Variants in DNAH9 observed in about 807,000 individuals in gnomAD.
The protein encoded by DNAH9 is DNAH9 variant protein.
A neutral mutation model predicts 471.6 loss-of-function variants in DNAH9; 345 were observed. The observed-to-expected ratio is 0.73, with a 90% CI of 0.67 to 0.80. The LOEUF (loss-of-function observed/expected upper bound fraction) is 0.80, where lower values mean the gene tolerates loss of function less well. Ranked by LOEUF, DNAH9 falls within the 30% of genes least tolerant of loss-of-function variation. DNAH9 has a pLI of 0.00. For missense variants in DNAH9, 5,407 were observed against 5,609.2 expected (o/e 0.96, Z 1.15); for synonymous variants, 2,093 against 2,123.6 (o/e 0.99, Z 0.40).
intron 4 of DNAH9, among the ~76,000 whole-genome samples, chr17:11,617,060 G>A (rs1002616149): frequency 3.3e-5 from 5 of 152,086 alleles, no homozygotes; most frequent in East Asian, 1.9e-4. Flanking sequence ...CAAGCGTCTC[G>A]GCCAGCATTT....
At chr17:11,730,264 G>A (rs1041744154) in intron 28 of DNAH9, among the ~76,000 whole-genome samples, 5 of 152,168 alleles carry the variant, frequency 3.3e-5, no homozygotes, top group African/African-American at 1.2e-4. Flanking sequence ...CATTGCATGA[G>A]TGTAGCTTGA....
At chr17:11,895,119 A>G (rs751641911) in intron 59 of DNAH9, among the ~76,000 whole-genome samples, 29 of 152,224 alleles carry the variant, frequency 1.9e-4, no homozygotes, top group Non-Finnish European at 3.5e-4. Flanking sequence ...GGCAGAGCCT[A>G]TTTTCATTCC....
chr17:11,948,430 G>A (rs1292998115), intron 67 of DNAH9, among the ~76,000 whole-genome samples: 8 of 151,078 alleles, frequency 5.3e-5, no homozygotes, highest in East Asian at 2.0e-4. Context: ...AGGTTTCACC[G>A]TGTTGGCCAG....
rs752886168 is a variant in DNAH9 at position 11,694,010 on chromosome 17, C to A, written c.4745+12C>A. 6.2e-7 allele frequency: 1 copy of A among 1,609,646 alleles called. No individual in the cohort carries two copies. Among genetic ancestry groups the A allele is most frequent in the South Asian group, 1.1e-5 (1 of 90,602 alleles). ...GATATTCAGGGCAGGTGAGGGTCCGCCCATTACCCCTTCTCTAATAAGAAG... is the reference window on the plus strand; with the variant it reads ...GATATTCAGGGCAGGTGAGGGTCCGACCATTACCCCTTCTCTAATAAGAAG... On this transcript the variant is annotated intron_variant, in intron 21 of 68. Coordinates refer to ENST00000262442, the MANE Select transcript of DNAH9 (RefSeq NM_001372.4).
chr17:11,961,644 G>A (rs1384110072), intron 67 of DNAH9, among the ~76,000 whole-genome samples: 1 of 152,162 alleles, frequency 6.6e-6, no homozygotes, highest in Non-Finnish European at 1.5e-5. Flanking sequence ...AGAGCAGGGA[G>A]GGTTTTCAAG....
intron 22 of DNAH9, 38 bp downstream of exon 22, chr17:11,694,485 GC>G: frequency 1.2e-6 from 2 of 1,611,316 alleles, no homozygotes; most frequent in Non-Finnish European, 1.7e-6. Context: ...GTCTAGGAGG[GC>G]TGAGGGGTGC....
chr17:11,921,620 C>T (rs1377716154), intron 61 of DNAH9, among the ~76,000 whole-genome samples: 1 of 152,164 alleles, frequency 6.6e-6, no homozygotes, highest in African/African-American at 2.4e-5. Context: ...ATCTGAGAGC[C>T]TCACAGTTGC....
rs566317607 is a variant in DNAH9, at chr17:11,942,494, G to A, written c.12843+9G>A. On this transcript the variant is annotated intron_variant, in intron 67 of 68. Transcript: ENST00000262442. ...TGGAGCTCGGCTTAAAGGTGAGCGC[G>A]GTCTTGTAAGGCATGGAGGGGACAT... 6.0e-5 allele frequency: 96 copies of A among 1,610,364 alleles called. No homozygotes were observed. The East Asian group carries it at 1.8e-3, about 30-fold the overall frequency.
intron 67 of DNAH9, among the ~76,000 whole-genome samples, chr17:11,945,537 C>CTAA (rs1975084281): frequency 9.8e-6 from 1 of 102,370 alleles, no homozygotes. Context: ...GATTCCATCT[C>CTAA]AAAAAAAAAA....
rs940620887 is a variant in DNAH9, at chr17:11,768,497, G to C, written c.7215G>C (p.Glu2405Asp). 6.2e-7 allele frequency: 1 copy of C among 1,614,026 alleles called. No homozygotes were observed. Among genetic ancestry groups the C allele is most frequent in the African/African-American group, 1.3e-5 (1 of 74,910 alleles). The change falls in exon 37 of 69, where the codon GAG becomes GAC. Residue 2405 changes from glutamate (E) to aspartate (D), a missense_variant. Transcript: ENST00000262442. ...AGTTCAGCAAATGGTGGCTGACTGA[G>C]TTCAAAACAGTCAAGTTTCCTTCCC... ...RAEFSKWWLT[E>D]FKTVKFPSQG...
rs377415601 is a variant in DNAH9 at position 11,617,563 on chromosome 17, C to G, written c.1057C>G (p.Arg353Gly). Residue 353 changes from arginine to glycine, a missense_variant, in exon 5 of 69, where the codon CGC becomes GGC. Transcript: ENST00000262442. ...CLIWATCKSY[R>G]SPGRLTVLLQ... Reference sequence around the variant, plus strand: ...GATTTGGGCCACATGCAAGTCCTACCGCTCCCCGGGAAGGCTGACTGTGCT... The same window carrying G: ...GATTTGGGCCACATGCAAGTCCTACGGCTCCCCGGGAAGGCTGACTGTGCT... 1.2e-6 allele frequency: 2 copies of G among 1,614,132 alleles called. No homozygotes were observed. The highest frequency in any genetic ancestry group is 2.2e-5 in the South Asian group (2 of 91,086).
intron 30 of DNAH9, among the ~76,000 whole-genome samples, chr17:11,743,363 C>A (rs906332928): frequency 2.6e-5 from 4 of 152,212 alleles, no homozygotes; most frequent in Non-Finnish European, 4.4e-5. Context: ...TTCCAAGCAC[C>A]CATATCTTTT....
intron 41 of DNAH9, among the ~76,000 whole-genome samples, chr17:11,786,362 C>T (rs1043693008): frequency 5.3e-4 from 81 of 151,990 alleles, no homozygotes; most frequent in African/African-American, 1.9e-3. Flanking sequence ...AAAAAATTCT[C>T]GTGGAATAGC....
At chr17:11,942,896 C>CA (rs71367357) in intron 67 of DNAH9, among the ~76,000 whole-genome samples, 1 of 127,914 alleles carries the variant, frequency 7.8e-6, no homozygotes, top group African/African-American at 3.0e-5. Context: ...CTTGTTTTTT[C>CA]TTTTTTTTTT....
intron 48 of DNAH9, among the ~76,000 whole-genome samples, chr17:11,832,363 C>T (rs894741701): frequency 1.3e-5 from 2 of 152,194 alleles, no homozygotes; most frequent in Admixed American, 6.5e-5. Context: ...CTTCAATTTT[C>T]TCAAATCTCC....
intron 41 of DNAH9, among the ~76,000 whole-genome samples, chr17:11,791,843 A>G (rs989214855): frequency 6.6e-6 from 1 of 152,222 alleles, no homozygotes; most frequent in Admixed American, 6.5e-5. Context: ...GACTTCAACA[A>G]GAGGTTTCAA....
intron 49 of DNAH9, among the ~76,000 whole-genome samples, chr17:11,845,398 T>C (rs1225853325): frequency 6.6e-6 from 1 of 150,566 alleles, no homozygotes; most frequent in Non-Finnish European, 1.5e-5. Flanking sequence ...CTTAATCCAG[T>C]CTATCATTTT....
chr17:11,682,293 C>T (rs1301373345), intron 19 of DNAH9, among the ~76,000 whole-genome samples: 1 of 151,238 alleles, frequency 6.6e-6, no homozygotes, highest in Non-Finnish European at 1.5e-5. Flanking sequence ...CTCTGTCACC[C>T]AGGCTGGAGT....
At chr17:11,704,104 C>A in intron 24 of DNAH9, 99 bp from the exon 25 acceptor site, 1 of 1,353,084 alleles carries the variant, frequency 7.4e-7, no homozygotes, top group Non-Finnish European at 1.0e-6. Flanking sequence ...GGGCTCATGT[C>A]ACCCACACAA....
Sources: gnomAD v4.1 joint callset for allele counts (sites outside exome capture counted in the v4.1 genomes callset) on GRCh38, gnomAD v4.1.1 for gene constraint, MANE v1.5 for transcripts, NCBI Gene and HGNC (gene_info 2026-07-23, HGNC 2026-07-21) for gene names.